The following CACNA1E variants were observed in gnomAD, a reference collection of about 807,000 sequenced individuals.
The protein encoded by CACNA1E is calcium voltage-gated channel subunit alpha1 E, also known as voltage-dependent R-type calcium channel subunit alpha-1E.
A neutral mutation model predicts 259.2 loss-of-function variants in CACNA1E; 40 were observed. The ratio of observed to expected loss-of-function variants is 0.15; its 90% CI spans 0.12 to 0.20. The LOEUF is 0.20. Among genes scored for constraint, CACNA1E ranks in the 10% least tolerant of loss-of-function variants. The pLI is 1.00. For synonymous variants in CACNA1E, 1,104 were observed against 1,138.5 expected, an observed-to-expected ratio of 0.97 and a Z score of 0.61; for missense variants, 1,874 against 3,040.1, an observed-to-expected ratio of 0.62 and a Z score of 9.02.
intron 2 of CACNA1E, among the ~76,000 whole-genome samples, chr1:181,445,165 G>T (rs944048308): frequency 2.6e-5 from 4 of 152,146 alleles, no homozygotes; most frequent in Non-Finnish European, 4.4e-5. Context: ...TTAAGGGCAG[G>T]AATCCCTTTC....
At position 181,737,665 on chromosome 1, in the gene CACNA1E, A is replaced by C. The variant is rs751368195; in HGVS notation, c.3552+11A>C. ...TCGGAGCGCAACAAAGTGGGTACAC[A>C]GGGGCCATGTGCCAGCCTCTGTAGT... is the stretch of plus-strand genomic sequence containing the variant. On this transcript the variant is annotated intron_variant, in intron 23 of 47. Transcript: ENST00000367573. 87 of 1,612,632 alleles carry C rather than the reference A, an allele frequency of 5.4e-5. No homozygotes were observed. The highest frequency in any genetic ancestry group is 7.4e-5 in the Non-Finnish European group (87 of 1,179,090).
intron 1 of CACNA1E, among the ~76,000 whole-genome samples, chr1:181,503,648 G>A (rs1298139109): frequency 6.6e-6 from 1 of 152,250 alleles, no homozygotes; most frequent in East Asian, 1.9e-4. Context: ...AGCCACAGTA[G>A]ATGCTGAAAG....
intron 24 of CACNA1E, among the ~76,000 whole-genome samples, chr1:181,738,724 G>A (rs1055631022): frequency 1.3e-5 from 2 of 152,224 alleles, no homozygotes; most frequent in Non-Finnish European, 2.9e-5. Context: ...TGTCTTGGCT[G>A]AGCCTGGGTG....
At chr1:181,615,742 C>CTCATA (rs1553300123) in intron 6 of CACNA1E, among the ~76,000 whole-genome samples, 4,662 of 151,784 alleles carry the variant, frequency 0.031, 201 homozygotes, top group African/African-American at 0.1. Flanking sequence ...CTTTTTATTT[C>CTCATA]TCTTATTATA....
At chr1:181,346,999 CACTG>C (rs2102654240) in intron 1 of CACNA1E, among the ~76,000 whole-genome samples, 1 of 152,312 alleles carries the variant, frequency 6.6e-6, no homozygotes, top group South Asian at 2.1e-4. Flanking sequence ...GGTGCTCAGT[CACTG>C]ACTGACAGTC....
rs745460377 is a variant in CACNA1E, at chr1:181,798,862, C to G, written c.*28C>G. 2.7e-6 allele frequency: 4 copies of G among 1,483,450 alleles called. No homozygotes were observed. Among genetic ancestry groups the G allele is most frequent in the East Asian group, 4.6e-5 (2 of 43,290 alleles). The allele number at this position is 1,483,450 out of a possible 1,614,324, so 91.9% of individuals were successfully genotyped here. ...GCTGCTCCCCCCTCCGATGCATGCT[C>G]TTCTCTCACATGGAGAAAACCAAGA... On this transcript the variant is annotated 3_prime_UTR_variant, in exon 48 of 48. Coordinates refer to ENST00000367573, the MANE Select transcript of CACNA1E (RefSeq NM_001205293.3). This position sits in a 1 kb window ranked among gnomAD's most constrained non-coding sequence, Gnocchi z 4.2.
chr1:181,645,424 C>T (rs1240693897), intron 6 of CACNA1E, among the ~76,000 whole-genome samples: 1 of 151,974 alleles, frequency 6.6e-6, no homozygotes, highest in African/African-American at 2.4e-5. Context: ...AGGGCGTTCC[C>T]CACCCTCTTT....
intron 3 of CACNA1E, among the ~76,000 whole-genome samples, chr1:181,542,264 AT>A (rs10711206): frequency 0.22 from 34,187 of 152,128 alleles, 4,255 homozygotes; most frequent in African/African-American, 0.32. Flanking sequence ...GATTCCCCAC[AT>A]TGCTAATTAC....
At chr1:181,757,206 C>T in intron 30 of CACNA1E, 80 bp downstream of exon 30, 1 of 909,456 alleles carries the variant, frequency 1.1e-6, no homozygotes, top group Non-Finnish European at 1.8e-6. Flanking sequence ...GAAAGGAGGA[C>T]TGCATTTTCT....
intron 7 of CACNA1E, among the ~76,000 whole-genome samples, chr1:181,700,926 T>C (rs1652188098): frequency 6.6e-6 from 1 of 152,214 alleles, no homozygotes; most frequent in South Asian, 2.1e-4. Context: ...CCTCATATTT[T>C]GGCTCTTCTT....
chr1:181,798,843 C>T lies in CACNA1E; in HGVS notation c.*9C>T. 1.3e-6 allele frequency: 2 copies of T among 1,500,838 alleles called. No individual in the cohort carries two copies. Among genetic ancestry groups the T allele is most frequent in the Non-Finnish European group, 1.8e-6 (2 of 1,127,710 alleles). 93.0% of individuals were successfully genotyped at this position (1,500,838 alleles called of 1,614,324 possible). On this transcript the variant is annotated 3_prime_UTR_variant, in exon 48 of 48. Transcript: ENST00000367573. The surrounding 1 kb of genome is among the most constrained non-coding windows in gnomAD (Gnocchi z 4.2). Reference sequence around the variant, plus strand: ...AAGATGACAAATGCTAGAGGCTGCTCCCCCCTCCGATGCATGCTCTTCTCT... The same window carrying T: ...AAGATGACAAATGCTAGAGGCTGCTTCCCCCTCCGATGCATGCTCTTCTCT...
At chr1:181,596,694 T>C (rs1387728300) in intron 6 of CACNA1E, among the ~76,000 whole-genome samples, 3 of 152,126 alleles carry the variant, frequency 2.0e-5, no homozygotes, top group African/African-American at 4.8e-5. Flanking sequence ...TTCTCTTTTG[T>C]ACAGACTTGA....
intron 3 of CACNA1E, among the ~76,000 whole-genome samples, chr1:181,547,036 G>A (rs555451249): frequency 9.9e-5 from 15 of 152,244 alleles, no homozygotes; most frequent in South Asian, 2.1e-4. Context: ...GCTTCTTGCC[G>A]TCATTTTCTC....
intron 21 of CACNA1E, among the ~76,000 whole-genome samples, chr1:181,735,897 G>A (rs1398108422): frequency 6.6e-6 from 1 of 151,912 alleles, no homozygotes; most frequent in Admixed American, 6.6e-5. Flanking sequence ...CCCCTCAGTG[G>A]GAAAATTCAG....
At chr1:181,528,107 A>G (rs1209981617) in intron 3 of CACNA1E, among the ~76,000 whole-genome samples, 1 of 148,164 alleles carries the variant, frequency 6.7e-6, no homozygotes, top group East Asian at 2.0e-4. Flanking sequence ...AACTTGTTGT[A>G]TCTCCCACAA....
At chr1:181,599,657 C>T (rs1653547251) in intron 6 of CACNA1E, among the ~76,000 whole-genome samples, 1 of 152,194 alleles carries the variant, frequency 6.6e-6, no homozygotes, top group Admixed American at 6.5e-5. Flanking sequence ...ATTGCCAGAA[C>T]CTTGCATATC....
intron 3 of CACNA1E, among the ~76,000 whole-genome samples, chr1:181,526,423 T>G (rs2102703299): frequency 6.6e-6 from 1 of 152,088 alleles, no homozygotes; most frequent in Non-Finnish European, 1.5e-5. Context: ...TTTTTTTTTT[T>G]TTTTTTACTC....
chr1:181,345,141 T>G (rs2102647687), intron 1 of CACNA1E, among the ~76,000 whole-genome samples: 1 of 152,334 alleles, frequency 6.6e-6, no homozygotes. Context: ...GGTGCCTCCT[T>G]CAGCAGGGTC....
chr1:181,760,039 G>C (rs1162599028), intron 32 of CACNA1E, among the ~76,000 whole-genome samples: 1 of 152,202 alleles, frequency 6.6e-6, no homozygotes, highest in South Asian at 2.1e-4. Context: ...CAACAAAGAT[G>C]CCTTTATAAT....
Sources: gnomAD v4.1 joint callset for allele counts (sites outside exome capture counted in the v4.1 genomes callset) on GRCh38, gnomAD v4.1.1 for gene constraint, Gnocchi (gnomAD v3.1) non-coding constraint, MANE v1.5 for transcripts, NCBI Gene and HGNC (gene_info 2026-07-23, HGNC 2026-07-21) for gene names.